Variants in DLGAP5 observed in about 807,000 individuals in gnomAD.
The protein encoded by DLGAP5 is disks large-associated protein 5.
In DLGAP5, 90 loss-of-function variants were observed where a neutral mutation model predicts 99.6. That is an observed-to-expected ratio of 0.90 (90% CI 0.76 to 1.08). DLGAP5 has a LOEUF of 1.08. Among genes scored for constraint, DLGAP5 ranks in the 50% least tolerant of loss-of-function variants. The pLI, the probability that DLGAP5 is intolerant of heterozygous loss-of-function variation, is 0.00. For synonymous variants in DLGAP5, 311 were observed against 321.3 expected, an observed-to-expected ratio of 0.97 and a Z score of 0.34; for missense variants, 1,036 against 983.5, an observed-to-expected ratio of 1.05 and a Z score of -0.71.
Position 55,151,874 on chromosome 14 carries a change from G to C in DLGAP5, c.2189C>G (p.Ala730Gly). 6.2e-7 allele frequency: 1 copy of C among 1,613,794 alleles called. No individual in the cohort carries two copies. Among genetic ancestry groups the C allele is most frequent in the East Asian group, 2.2e-5 (1 of 44,838 alleles). ...ATTAATATCATCTGCTACTCCACCA[G>C]CAAGAAGAGGCAAACTCATTCTCTC... ...SSERMSLPLL[A>G]GGVADDINTN... The change falls in exon 17 of 19, where the codon GCT becomes GGT. Residue 730 changes from alanine to glycine, a missense_variant. By Grantham distance (60) the Ala-to-Gly change is moderately conservative. Transcript: ENST00000247191.
At chr14:55,183,500 G>A in intron 3 of DLGAP5, 60 bp downstream of exon 3, 10 of 1,404,900 alleles carry the variant, frequency 7.1e-6, no homozygotes, top group Non-Finnish European at 9.5e-6. Flanking sequence ...GTCACTTAAT[G>A]TCTTGAAGAA....
Position 55,175,468 on chromosome 14 carries a change from A to G in DLGAP5, c.1179T>C (p.His393=). Residue 393 remains histidine (H), a synonymous_variant, in exon 10 of 19, where the codon CAT becomes CAC. Coordinates refer to ENST00000247191, the MANE Select transcript of DLGAP5 (RefSeq NM_014750.5). ...TAGTAGCTTCATTTTTATTTAAAACATGTTCTATAAATTAAAGAAAATCTT... is the reference window on the plus strand; with the variant it reads ...TAGTAGCTTCATTTTTATTTAAAACGTGTTCTATAAATTAAAGAAAATCTT... ...LGPLTVWHEE[H]VLNKNEATTK... The G allele has an allele frequency of 7.8e-7, 1 of 1,279,894 alleles. No homozygotes were observed. The highest frequency in any genetic ancestry group is 2.5e-5 in the East Asian group (1 of 40,560). 79.3% of individuals were successfully genotyped at this position (1,279,894 alleles called of 1,614,324 possible).
intron 10 of DLGAP5, among the ~76,000 whole-genome samples, chr14:55,172,154 C>A (rs1315599648): frequency 6.7e-6 from 1 of 149,902 alleles, no homozygotes; most frequent in African/African-American, 2.5e-5. Flanking sequence ...GTGGGAGCCA[C>A]CGAACCCGGC....
chr14:55,173,687 T>C (rs1594676489), intron 10 of DLGAP5, among the ~76,000 whole-genome samples: 1 of 152,162 alleles, frequency 6.6e-6, no homozygotes, highest in African/African-American at 2.4e-5. Context: ...ACGTGGATTA[T>C]GAAGATTTCA....
intron 12 of DLGAP5, 48 bp from the exon 13 acceptor site, chr14:55,163,123 G>A (rs766890461): frequency 8.3e-7 from 1 of 1,209,140 alleles, no homozygotes; most frequent in African/African-American, 1.5e-5. Context: ...CCATATTAAA[G>A]TTATAAACGA....
chr14:55,172,179 TAAA>T (rs35259527), intron 10 of DLGAP5, among the ~76,000 whole-genome samples: 2 of 139,822 alleles, frequency 1.4e-5, no homozygotes, highest in African/African-American at 2.6e-5. Flanking sequence ...TTTGTTTCTT[TAAA>T]AAAAAAAAAA....
intron 7 of DLGAP5, 98 bp from the exon 8 acceptor site, chr14:55,177,434 T>C (rs1883113552): frequency 8.9e-7 from 1 of 1,121,874 alleles, no homozygotes; most frequent in Non-Finnish European, 1.2e-6. Flanking sequence ...CAGAAATATA[T>C]GTTCTATGTA....
intron 10 of DLGAP5, 80 bp downstream of exon 10, chr14:55,175,266 A>G (rs1883018418): frequency 1.5e-6 from 2 of 1,338,768 alleles, no homozygotes; most frequent in Admixed American, 4.6e-5. Flanking sequence ...CCACTATATT[A>G]AGGTTAAAAA....
intron 4 of DLGAP5, among the ~76,000 whole-genome samples, chr14:55,182,051 G>A (rs1221805531): frequency 2.6e-5 from 4 of 152,160 alleles, no homozygotes; most frequent in African/African-American, 7.2e-5. Flanking sequence ...AGACCCGTAA[G>A]TTTATAACAC....
Position 55,180,697 on chromosome 14 carries a change from G to C in DLGAP5, c.662C>G (p.Ser221Ter), listed in dbSNP as rs1422365536. The C allele has an allele frequency of 1.1e-5, 17 of 1,614,182 alleles. No homozygotes were observed. The highest frequency in any genetic ancestry group is 1.4e-5 in the Non-Finnish European group (17 of 1,180,034). Residue 221 changes from serine to a stop codon, truncating the protein, a stop_gained, in exon 6 of 19, where the codon TCA becomes TGA. Coordinates refer to ENST00000247191, the MANE Select transcript of DLGAP5 (RefSeq NM_014750.5). LOFTEE classifies it high-confidence loss of function. Reference sequence around the variant, plus strand: ...GACTGGCTTTCTTGCTGTGGTAGATGAGACTGTTCTGGGAACCTGCTTTGC... The same window carrying C: ...GACTGGCTTTCTTGCTGTGGTAGATCAGACTGTTCTGGGAACCTGCTTTGC... ...QAAKQVPRTV[S>*]STTARKPVTR... is the part of the protein sequence containing the mutation.
chr14:55,177,326 C>T lies in DLGAP5; in HGVS notation c.785G>A (p.Cys262Tyr). Reference protein sequence around the residue: ...VETKPDKGISCKVDSEENTLN... With the variant: ...VETKPDKGISYKVDSEENTLN... ...AGTATTTTCTTCACTATCGACTTTA[C>T]AAGAAATACCCTAGGATGTGAGTTA... Residue 262 changes from cysteine to tyrosine, a missense_variant, in exon 8 of 19, where the codon TGT becomes TAT. Coordinates refer to ENST00000247191, the MANE Select transcript of DLGAP5 (RefSeq NM_014750.5). The T allele has an allele frequency of 5.0e-6, 8 of 1,596,402 alleles. No homozygotes were observed. Among genetic ancestry groups the T allele is most frequent in the Non-Finnish European group, 6.8e-6 (8 of 1,173,114 alleles).
intron 13 of DLGAP5, among the ~76,000 whole-genome samples, chr14:55,162,159 T>G (rs1207632098): frequency 6.6e-6 from 1 of 151,956 alleles, no homozygotes; most frequent in Non-Finnish European, 1.5e-5. Context: ...AAGAACAAAA[T>G]CTGTCATGTT....
At chr14:55,159,826 A>G (rs1882353809) in intron 13 of DLGAP5, among the ~76,000 whole-genome samples, 1 of 152,234 alleles carries the variant, frequency 6.6e-6, no homozygotes, top group African/African-American at 2.4e-5. Context: ...TCTAAATAAC[A>G]AAAACATTTA....
chr14:55,178,171 G>A (rs1883148588), intron 7 of DLGAP5, among the ~76,000 whole-genome samples: 1 of 151,966 alleles, frequency 6.6e-6, no homozygotes, highest in African/African-American at 2.4e-5. Context: ...AGAATGGTGA[G>A]AAACCGGGAG....
intron 1 of DLGAP5, among the ~76,000 whole-genome samples, chr14:55,190,199 G>A (rs1411984448): frequency 3.3e-5 from 5 of 152,036 alleles, no homozygotes; most frequent in Non-Finnish European, 7.4e-5. Context: ...TTGGGAGGTC[G>A]AGGCAGGACT....
intron 5 of DLGAP5, 87 bp from the exon 6 acceptor site, chr14:55,180,865 G>GT: frequency 6.5e-7 from 1 of 1,529,616 alleles, no homozygotes; most frequent in Non-Finnish European, 9.0e-7. Flanking sequence ...TGCAATGCCT[G>GT]TAGTCCCAGC....
intron 13 of DLGAP5, among the ~76,000 whole-genome samples, chr14:55,160,391 T>TA (rs1195423368): frequency 7.1e-5 from 10 of 141,088 alleles, no homozygotes; most frequent in Non-Finnish European, 1.2e-4. Context: ...CAAGACTCTA[T>TA]ATAAAAAAAA....
chr14:55,159,488 TACTC>T (rs752201369), intron 13 of DLGAP5, among the ~76,000 whole-genome samples: 1 of 152,194 alleles, frequency 6.6e-6, no homozygotes, highest in Non-Finnish European at 1.5e-5. Context: ...TGAGAGGACT[TACTC>T]ATCTATTGGA....
At chr14:55,171,102 T>C (rs1182791664) in intron 10 of DLGAP5, among the ~76,000 whole-genome samples, 2 of 152,222 alleles carry the variant, frequency 1.3e-5, no homozygotes, top group African/African-American at 2.4e-5. Context: ...CATTCCTAAA[T>C]GTGCATCAGA....
Sources: gnomAD v4.1 joint callset for allele counts (sites outside exome capture counted in the v4.1 genomes callset) on GRCh38, gnomAD v4.1.1 for gene constraint, MANE v1.5 for transcripts, NCBI Gene and HGNC (gene_info 2026-07-23, HGNC 2026-07-21) for gene names.